Variants in MAP3K1 observed in about 807,000 individuals in gnomAD.
The protein encoded by MAP3K1 is MAP/ERK kinase kinase 1.
A neutral mutation model predicts 144.2 loss-of-function variants in MAP3K1; 36 were observed. The observed-to-expected ratio is 0.25, with a 90% CI of 0.19 to 0.33. The LOEUF (loss-of-function observed/expected upper bound fraction) is 0.33. MAP3K1 is among the 10% of genes least tolerant of loss of function. The probability of loss-of-function intolerance (pLI) is 1.00; values close to 1 mark genes in which losing one functional copy is unlikely to be tolerated. For missense variants in MAP3K1, 1,650 were observed against 1,881.9 expected (o/e 0.88, Z 2.28); for synonymous variants, 718 against 688.7 (o/e 1.04, Z -0.67).
chr5:56,820,724 A>G (rs1746129534), intron 1 of MAP3K1: 1 of 985,348 alleles, frequency 1.0e-6, no homozygotes, highest in Non-Finnish European at 1.2e-6. Flanking sequence ...TTATTGTTTT[A>G]GATTTCATCC....
chr5:56,875,663 C>T (rs1038536731), intron 10 of MAP3K1, among the ~76,000 whole-genome samples: 1 of 152,046 alleles, frequency 6.6e-6, no homozygotes, highest in African/African-American at 2.4e-5. Context: ...TAGAGACAGA[C>T]TAAAAACCAT....
At chr5:56,848,788 G>A (rs1747076190) in intron 1 of MAP3K1, among the ~76,000 whole-genome samples, 1 of 152,148 alleles carries the variant, frequency 6.6e-6, no homozygotes, top group Non-Finnish European at 1.5e-5. Context: ...TGACCATGTG[G>A]AATATGTTAT....
chr5:56,872,565 A>G, intron 7 of MAP3K1, 76 bp from the exon 8 acceptor site: 1 of 870,730 alleles, frequency 1.1e-6, no homozygotes, highest in Non-Finnish European at 1.9e-6. Flanking sequence ...AAATTCTATA[A>G]TTATAAACAG....
intron 6 of MAP3K1, among the ~76,000 whole-genome samples, chr5:56,868,510 G>C (rs944560064): frequency 1.3e-5 from 2 of 151,932 alleles, no homozygotes; most frequent in African/African-American, 2.4e-5. Flanking sequence ...TCAGCCTCCC[G>C]AGTAGCTGGG....
In MAP3K1 at chr5:56,895,691, A is replaced by G. The variant is rs1579795078; in HGVS notation, c.*2011A>G. 3 of 232,234 alleles carry G rather than the reference A, an allele frequency of 1.3e-5. No individual in the cohort carries two copies. Among genetic ancestry groups the G allele is most frequent in the African/African-American group, 6.6e-5 (3 of 45,308 alleles). The allele number at this position is 232,234 out of a possible 1,614,324, so 14.4% of individuals were successfully genotyped here. A position where few individuals can be genotyped will look rare whatever the true frequency, so the allele number is the denominator to read the frequency against. On this transcript the variant is annotated 3_prime_UTR_variant, in exon 20 of 20. Coordinates refer to ENST00000399503, the MANE Select transcript of MAP3K1 (RefSeq NM_005921.2). ...TGTTTTGTTTTTTGTTTTGTTTTCAATGCAAATGTGATGTAATATTCTTAT... is the reference window on the plus strand; with the variant it reads ...TGTTTTGTTTTTTGTTTTGTTTTCAGTGCAAATGTGATGTAATATTCTTAT...
chr5:56,881,912 C>T lies in MAP3K1; in HGVS notation c.2712C>T (p.Cys904=). 6.2e-7 allele frequency: 1 copy of T among 1,614,070 alleles called. No individual in the cohort carries two copies. Among genetic ancestry groups the T allele is most frequent in the South Asian group, 1.1e-5 (1 of 91,070 alleles). The part of the protein sequence containing the change: ...LETTENSSPE[C]TVHLEKTGKG... ...CCACAGAGAACAGTTCCCCTGAGTG[C>T]ACAGTCCATTTAGAGAAAACTGGAA... The change falls in exon 14 of 20, where the codon TGC becomes TGT. Residue 904 remains cysteine (C), a synonymous_variant. Transcript: ENST00000399503.
At chr5:56,882,926 T>C (rs947993189) in intron 14 of MAP3K1, 60 bp downstream of exon 14, 4 of 1,335,876 alleles carry the variant, frequency 3.0e-6, no homozygotes, top group Admixed American at 3.5e-5. Context: ...CAGTGACTCA[T>C]ACCTGGAATT....
chr5:56,865,801 C>T (rs1747655303), intron 5 of MAP3K1, 28 bp from the exon 6 acceptor site: 2 of 1,610,408 alleles, frequency 1.2e-6, no homozygotes, highest in Non-Finnish European at 1.7e-6. Context: ...GCACAAATAT[C>T]ATTGTTACTG....
At chr5:56,862,161 T>G (rs1172551666) in intron 3 of MAP3K1, 1 of 152,228 alleles carries the variant, frequency 6.6e-6, no homozygotes, top group Non-Finnish European at 1.5e-5. Flanking sequence ...CAAGACTGCT[T>G]CTTCACTCAC....
In MAP3K1 at chr5:56,859,851, C is replaced by T. The variant is rs56160159; in HGVS notation, c.770C>T (p.Pro257Leu). Residue 257 changes from proline to leucine, a missense_variant, in exon 3 of 20, where the codon CCA becomes CTA. Pro to Leu is a moderately conservative substitution (Grantham distance 98). Around this residue, in one of 6 missense-constraint regions of MAP3K1, gnomAD observed 148 missense variants for 177.2 expected, o/e 0.84. Coordinates refer to ENST00000399503, the MANE Select transcript of MAP3K1 (RefSeq NM_005921.2). ...GRRSPSPGNS[P>L]SGRTVKSESP... The stretch of plus-strand genomic sequence containing the variant: ...CGCAGTCCTTCTCCTGGCAACTCCC[C>T]ATCAGGTCGCACAGTGAAATCAGAA... 385 of 1,613,766 alleles carry T rather than the reference C, an allele frequency of 2.4e-4. 6 individuals carry two copies. The South Asian group carries it at 4.0e-3, about 17-fold the overall frequency.
At chr5:56,860,307 ACT>A (rs1747467748) in intron 3 of MAP3K1, among the ~76,000 whole-genome samples, 2 of 152,176 alleles carry the variant, frequency 1.3e-5, no homozygotes, top group Admixed American at 1.3e-4. Flanking sequence ...TTAAATCTTG[ACT>A]CTTAGTAAAT....
chr5:56,874,289 C>A (rs1747947946), intron 9 of MAP3K1, among the ~76,000 whole-genome samples: 1 of 152,162 alleles, frequency 6.6e-6, no homozygotes, highest in Non-Finnish European at 1.5e-5. Flanking sequence ...ATTAAGCTTA[C>A]TTTTAGCTAA....
Position 56,881,214 on chromosome 5 carries a change from G to C in MAP3K1, c.2311G>C (p.Glu771Gln), listed in dbSNP as rs1207029723. The C allele has an allele frequency of 6.2e-7, 1 of 1,613,732 alleles. No individual in the cohort carries two copies. Among genetic ancestry groups the C allele is most frequent in the Non-Finnish European group, 8.5e-7 (1 of 1,179,888 alleles). The change falls in exon 13 of 20, where the codon GAA becomes CAA. Residue 771 changes from glutamate (E) to glutamine (Q), a missense_variant. Coordinates refer to ENST00000399503, the MANE Select transcript of MAP3K1 (RefSeq NM_005921.2). Reference sequence around the variant, plus strand: ...TAGACTGTTGTTGGAATTTCCTGCTGAATTTTATCCTCATATTGTCAGTAC... The same window carrying C: ...TAGACTGTTGTTGGAATTTCCTGCTCAATTTTATCCTCATATTGTCAGTAC... The part of the protein sequence containing the change: ...IDRLLLEFPA[E>Q]FYPHIVSTDV...
chr5:56,861,589 A>G (rs10056099), intron 3 of MAP3K1, among the ~76,000 whole-genome samples: 612 of 47,740 alleles, frequency 0.013, 25 homozygotes, highest in Middle Eastern at 0.023. Flanking sequence ...AAAAAAAAAA[A>G]AGGGGCTATT....
Position 56,854,384 on chromosome 5 carries a change from A to G in MAP3K1, c.483-2216A>G, listed in dbSNP as rs34152790. On this transcript the variant is annotated intron_variant, in intron 1 of 19. Transcript: ENST00000399503. ...GGAGGCGGAGGTTGCCAGTGAGCCTATTGCACCATTGCACTCCAGTCTGGG... is the reference window on the plus strand; with the variant it reads ...GGAGGCGGAGGTTGCCAGTGAGCCTGTTGCACCATTGCACTCCAGTCTGGG... 7.8e-3 allele frequency among the ~76,000 whole-genome samples: 1,030 copies of G among 131,238 alleles called. 5 individuals are homozygous for G. Among genetic ancestry groups the G allele is most frequent in the Non-Finnish European group, 0.011 (740 of 64,606 alleles). The allele number at this position is 131,238 out of a possible 152,430, so 86.1% of individuals were successfully genotyped here.
chr5:56,880,291 A>G (rs866598585), intron 11 of MAP3K1, among the ~76,000 whole-genome samples: 70 of 152,292 alleles, frequency 4.6e-4, no homozygotes, highest in Middle Eastern at 6.8e-3. Context: ...ATTTTATAAT[A>G]TTCAGACCTC....
chr5:56,870,201 A>C (rs16886445), intron 6 of MAP3K1, among the ~76,000 whole-genome samples: 2 of 152,186 alleles, frequency 1.3e-5, no homozygotes, highest in African/African-American at 2.4e-5. Flanking sequence ...TAGAAGTGCA[A>C]TATTGGGCCT....
intron 3 of MAP3K1, 133 bp downstream of exon 3, chr5:56,860,048 G>T (rs1230503631): frequency 8.5e-6 from 7 of 825,368 alleles, no homozygotes; most frequent in Non-Finnish European, 1.4e-5. Context: ...GAGGATGGGG[G>T]GGGTGGTTCC....
chr5:56,884,739 A>G lies in MAP3K1; in HGVS notation c.3895A>G (p.Ser1299Gly), dbSNP rs1301806050. The G allele has an allele frequency of 6.2e-7, 1 of 1,613,810 alleles. No homozygotes were observed. The highest frequency in any genetic ancestry group is 1.7e-5 in the Admixed American group (1 of 60,010). ...ACTAAGAGAAGAGATAAGAATGATG[A>G]GCCATCTGAATCATCCAAACATCAT... ...EALREEIRMM[S>G]HLNHPNIIRM... Residue 1299 changes from serine (S) to glycine (G), a missense_variant, in exon 16 of 20, where the codon AGC becomes GGC. Ser to Gly is a moderately conservative substitution (Grantham distance 56). This residue lies in a region of MAP3K1 where 165 missense variants were observed against 322.9 expected (regional missense o/e 0.51). Transcript: ENST00000399503.
Sources: gnomAD v4.1 joint callset for allele counts (sites outside exome capture counted in the v4.1 genomes callset) on GRCh38, gnomAD v4.1.1 for gene constraint, gnomAD v4.1.1 regional missense constraint, MANE v1.5 for transcripts, NCBI Gene and HGNC (gene_info 2026-07-23, HGNC 2026-07-21) for gene names.